The following SATB1 variants were observed in gnomAD, a reference collection of about 807,000 sequenced individuals.
SATB1 encodes DNA-binding protein SATB1.
SATB1 carries 11 observed loss-of-function variants against 86.9 expected under a neutral mutation model. The ratio of observed to expected loss-of-function variants is 0.13; its 90% confidence interval spans 0.08 to 0.21. SATB1 has a LOEUF of 0.21. Ranked by LOEUF, SATB1 falls within the 10% of genes least tolerant of loss-of-function variation. The probability of loss-of-function intolerance (pLI) is 1.00; values close to 1 mark genes in which losing one functional copy is unlikely to be tolerated. For synonymous variants in SATB1, 357 were observed against 357.2 expected, an observed-to-expected ratio of 1.00 and a Z score of 0.01; for missense variants, 551 against 937.6, an observed-to-expected ratio of 0.59 and a Z score of 5.39.
chr3:18,383,277 C>A (rs1385109026), intron 8 of SATB1, among the ~76,000 whole-genome samples: 1 of 152,150 alleles, frequency 6.6e-6, no homozygotes, highest in Non-Finnish European at 1.5e-5. Flanking sequence ...GTCTGACTAG[C>A]CAGGAAGTCC....
intron 9 of SATB1, among the ~76,000 whole-genome samples, chr3:18,365,564 T>G (rs972434178): frequency 6.6e-6 from 1 of 152,154 alleles, no homozygotes; most frequent in Non-Finnish European, 1.5e-5. Context: ...CTATACAGTC[T>G]TTGTCTAACT....
At chr3:18,369,709 G>A (rs535054273) in intron 9 of SATB1, among the ~76,000 whole-genome samples, 29 of 145,548 alleles carry the variant, frequency 2.0e-4, no homozygotes, top group Admixed American at 4.8e-4. Flanking sequence ...AGCTGTAAGG[G>A]ATGGGGGGGT....
chr3:18,394,712 T>C lies in SATB1; in HGVS notation c.956A>G (p.Gln319Arg). 6.2e-7 allele frequency: 1 copy of C among 1,614,172 alleles called. No individual in the cohort carries two copies. The highest frequency in any genetic ancestry group is 2.2e-5 in the East Asian group (1 of 44,878). ...STPISPQLVN[Q>R]QLVMAQLLNQ... is the part of the protein sequence containing the mutation. ...CAGCAGCTGAGCCATCACCAGCTGC[T>C]GGTTGACCAATTGAGGACTGATAGG... The change falls in exon 7 of 11, where the codon CAG becomes CGG. Residue 319 changes from glutamine to arginine, a missense_variant. By Grantham distance (43) the Gln-to-Arg change is conservative. This residue lies in a region of SATB1 where 119 missense variants were observed against 171.1 expected (regional missense o/e 0.70). Coordinates refer to ENST00000338745, the MANE Select transcript of SATB1 (RefSeq NM_002971.6). The surrounding 1 kb of genome is among the most constrained non-coding windows in gnomAD (Gnocchi z 5.9).
At chr3:18,384,332 CA>C (rs1696214283) in intron 8 of SATB1, among the ~76,000 whole-genome samples, 1 of 151,930 alleles carries the variant, frequency 6.6e-6, no homozygotes, top group Admixed American at 6.6e-5. Context: ...AACTTTAGCT[CA>C]AGAAAAAGCT....
chr3:18,375,870 G>A (rs1418436800), intron 9 of SATB1, among the ~76,000 whole-genome samples: 1 of 152,138 alleles, frequency 6.6e-6, no homozygotes, highest in African/African-American at 2.4e-5. Context: ...TAGAAGTTGA[G>A]AATAACTATC....
At chr3:18,397,747 T>C (rs1319069666) in intron 5 of SATB1, among the ~76,000 whole-genome samples, 3 of 152,214 alleles carry the variant, frequency 2.0e-5, no homozygotes, top group Non-Finnish European at 4.4e-5. Context: ...TTGTTAGAAA[T>C]GCAGAATCTT....
chr3:18,370,181 G>A lies in SATB1; in HGVS notation c.1575+7989C>T, dbSNP rs1187213613. On this transcript the variant is annotated intron_variant, in intron 9 of 10. Coordinates refer to ENST00000338745, the MANE Select transcript of SATB1 (RefSeq NM_002971.6). ...AACAAGCCCTGTGTGGTCTGCCAGA[G>A]AGGAGGAAATAAAAAGCAACAAAGC... is the stretch of plus-strand genomic sequence containing the variant. Among the ~76,000 whole-genome samples, 4 of 152,138 alleles carry A rather than the reference G, an allele frequency of 2.6e-5. No homozygotes were observed. In the South Asian group the frequency reaches 6.2e-4, roughly 24 times the overall value.
chr3:18,440,204 A>G (rs1414255310), upstream of SATB1, among the ~76,000 whole-genome samples: 5 of 152,238 alleles, frequency 3.3e-5, no homozygotes. Context: ...AGGTTGCTTT[A>G]AGATGACTAT....
At position 18,411,288 on chromosome 3, in the gene SATB1, G is replaced by A. The variant is rs183977409; in HGVS notation, c.639+3823C>T. The stretch of plus-strand genomic sequence containing the variant: ...TGTGTGTGTGCACGTGTGCACGCGC[G>A]AGTATGTACGCCCACATGTGTGGTG... On this transcript the variant is annotated intron_variant, in intron 5 of 10. Transcript: ENST00000338745. Among the ~76,000 whole-genome samples the A allele has an allele frequency of 2.8e-4, 42 of 152,192 alleles. No individual in the cohort carries two copies. In the East Asian group the frequency reaches 6.0e-3, roughly 22 times the overall value.
upstream of SATB1, among the ~76,000 whole-genome samples, chr3:18,428,729 C>T (rs1698792497): frequency 6.6e-6 from 1 of 152,188 alleles, no homozygotes; most frequent in South Asian, 2.1e-4. Context: ...AATTTTCTAT[C>T]ACATGAGAAG....
chr3:18,370,515 C>CA (rs11391230), intron 9 of SATB1, among the ~76,000 whole-genome samples: 14,519 of 48,616 alleles, frequency 0.3, 3,135 homozygotes, highest in South Asian at 0.42. Context: ...CTGAGAGAGG[C>CA]AAAAAAAAAA....
At chr3:18,371,416 T>C (rs1308167966) in intron 9 of SATB1, among the ~76,000 whole-genome samples, 1 of 152,196 alleles carries the variant, frequency 6.6e-6, no homozygotes, top group East Asian at 1.9e-4. Context: ...GGGTGGTCTA[T>C]GATTTGTGTC....
chr3:18,417,438 A>G (rs1375770759), intron 2 of SATB1: 3 of 584,114 alleles, frequency 5.1e-6, no homozygotes, highest in African/African-American at 1.9e-5. Context: ...AGTAGTATAC[A>G]GTATGCAAAC....
intron 8 of SATB1, among the ~76,000 whole-genome samples, chr3:18,384,863 C>T (rs12633143): frequency 3.3e-5 from 5 of 151,968 alleles, no homozygotes; most frequent in Admixed American, 6.6e-5. Context: ...TGTGTACATA[C>T]GTATATAGAT....
chr3:18,368,010 G>T, intron 9 of SATB1, among the ~76,000 whole-genome samples: 1 of 152,150 alleles, frequency 6.6e-6, no homozygotes, highest in East Asian at 1.9e-4. Context: ...CATTAGCAAT[G>T]AAACCATAAA....
intron 7 of SATB1, among the ~76,000 whole-genome samples, chr3:18,392,558 T>TATATACAC (rs1696732929): frequency 6.8e-6 from 1 of 146,056 alleles, no homozygotes; most frequent in Non-Finnish European, 1.5e-5. Flanking sequence ...CATATATACA[T>TATATACAC]ATATATACAC....
chr3:18,370,570 AG>A (rs1203066323), intron 9 of SATB1, among the ~76,000 whole-genome samples: 1 of 141,396 alleles, frequency 7.1e-6, no homozygotes, highest in Non-Finnish European at 1.5e-5. Flanking sequence ...GAAAAAGAAA[AG>A]AAAAGAAAAA....
At chr3:18,430,965 G>T (rs1188884738) in intron 2 of SATB1, among the ~76,000 whole-genome samples, 1 of 152,164 alleles carries the variant, frequency 6.6e-6, no homozygotes, top group Admixed American at 6.5e-5. Flanking sequence ...TCTGGAAACC[G>T]ACAGGATATC....
chr3:18,378,744 C>A (rs1233719936), intron 8 of SATB1, among the ~76,000 whole-genome samples: 1 of 152,150 alleles, frequency 6.6e-6, no homozygotes, highest in Non-Finnish European at 1.5e-5. Flanking sequence ...ACAATTGAAT[C>A]ACTAATAGCT....
Sources: gnomAD v4.1 joint callset for allele counts (sites outside exome capture counted in the v4.1 genomes callset) on GRCh38, gnomAD v4.1.1 for gene constraint, gnomAD v4.1.1 regional missense constraint, Gnocchi (gnomAD v3.1) non-coding constraint, MANE v1.5 for transcripts, NCBI Gene and HGNC (gene_info 2026-07-23, HGNC 2026-07-21) for gene names.